Variants in ZNF76 observed in about 807,000 individuals in gnomAD.
ZNF76 encodes zinc finger protein 76, also known as zinc finger protein 523.
In ZNF76, 66 loss-of-function variants were observed where a neutral mutation model predicts 66.9. The observed-to-expected ratio is 0.99, with a 90% CI of 0.81 to 1.21. The LOEUF (loss-of-function observed/expected upper bound fraction) is 1.21. Ranked by LOEUF, ZNF76 falls within the 50% of genes most tolerant of loss-of-function variation. The probability of loss-of-function intolerance (pLI) is 0.00; values close to 1 mark genes in which losing one functional copy is unlikely to be tolerated. For synonymous variants in ZNF76, 275 were observed against 296.1 expected, an observed-to-expected ratio of 0.93 and a Z score of 0.73; for missense variants, 729 against 760.3, an observed-to-expected ratio of 0.96 and a Z score of 0.48.
chr6:35,263,645 A>G (rs1785565216), intron 1 of ZNF76, among the ~76,000 whole-genome samples: 1 of 152,150 alleles, frequency 6.6e-6, no homozygotes, highest in Non-Finnish European at 1.5e-5. Flanking sequence ...CTTGCCTTAG[A>G]TTTGTTTACT....
intron 1 of ZNF76, among the ~76,000 whole-genome samples, chr6:35,263,229 G>A (rs1309528207): frequency 6.6e-6 from 1 of 152,194 alleles, no homozygotes; most frequent in East Asian, 1.9e-4. Flanking sequence ...TGGTTTTTTA[G>A]AGGGCAGGGA....
chr6:35,284,594 TTTCA>T (rs1445742290), intron 2 of ZNF76, among the ~76,000 whole-genome samples: 3 of 152,012 alleles, frequency 2.0e-5, no homozygotes, highest in Admixed American at 6.6e-5. Context: ...AGAGACAGGG[TTTCA>T]CCATGTTGGT....
Position 35,263,147 on chromosome 6 carries a change from G to A in ZNF76, c.-97+3306G>A, listed in dbSNP as rs138782240. ...TCCACCAAACTTCATCAGTCTCTTC[G>A]GTTTATCCAGAGAACTACACTCTTC... On this transcript the variant is annotated intron_variant, in intron 1 of 13. Transcript: ENST00000373953. Among the ~76,000 whole-genome samples the A allele has an allele frequency of 2.4e-3, 360 of 152,146 alleles. 3 individuals are homozygous for A. The highest frequency in any genetic ancestry group is 8.1e-3 in the African/African-American group (338 of 41,476).
At chr6:35,293,627 T>G in intron 11 of ZNF76, 124 bp from the exon 12 acceptor site, 1 of 1,215,006 alleles carries the variant, frequency 8.2e-7, no homozygotes, top group South Asian at 1.4e-5. Flanking sequence ...CACCCATCCC[T>G]TCCACCACTA....
At chr6:35,269,908 T>C (rs1786754115) in intron 1 of ZNF76, among the ~76,000 whole-genome samples, 1 of 152,174 alleles carries the variant, frequency 6.6e-6, no homozygotes, top group Non-Finnish European at 1.5e-5. Context: ...TTCCATATGA[T>C]GTTATAGAAT....
intron 3 of ZNF76, 40 bp downstream of exon 3, chr6:35,286,248 C>A (rs778989772): frequency 9.3e-6 from 15 of 1,612,994 alleles, no homozygotes; most frequent in Admixed American, 6.7e-5. Flanking sequence ...TCGAGGGAAG[C>A]CTGACAGCCC....
At chr6:35,286,970 T>C (rs1361679897) in intron 4 of ZNF76, among the ~76,000 whole-genome samples, 1 of 151,730 alleles carries the variant, frequency 6.6e-6, no homozygotes, top group Non-Finnish European at 1.5e-5. Flanking sequence ...TTCTCTGAGG[T>C]AGTGATGCTT....
chr6:35,268,782 G>GA (rs767765081), intron 1 of ZNF76, among the ~76,000 whole-genome samples: 5,189 of 85,656 alleles, frequency 0.061, 88 homozygotes, highest in African/African-American at 0.066. Context: ...CAAAAAGAGA[G>GA]AAAAAAAAAA....
intron 11 of ZNF76, 85 bp downstream of exon 11, chr6:35,293,129 A>G: frequency 6.7e-7 from 1 of 1,482,216 alleles, no homozygotes; most frequent in Non-Finnish European, 9.1e-7. Context: ...AAGTTCTGAC[A>G]GCCCCACTGC....
In ZNF76 at chr6:35,262,132, A is replaced by G. The variant is rs576467780; in HGVS notation, c.-97+2291A>G. Among the ~76,000 whole-genome samples, 12 of 152,214 alleles carry G rather than the reference A, an allele frequency of 7.9e-5. No individual in the cohort carries two copies. In the South Asian group the frequency reaches 2.3e-3, roughly 29 times the overall value. On this transcript the variant is annotated intron_variant, in intron 1 of 13. Coordinates refer to ENST00000373953, the MANE Select transcript of ZNF76 (RefSeq NM_003427.5). The stretch of plus-strand genomic sequence containing the variant: ...GTTGTGGAAAAATACAAAAAGGGTA[A>G]TATCAAATAGTAATAAACTGGGAGA...
chr6:35,290,346 C>T lies in ZNF76; in HGVS notation c.513C>T (p.Gly171=). ...GDRAFRCGYK[G]CGRLYTTAHH... is the part of the protein sequence containing the mutation. ...GAGCATTCCGCTGTGGCTACAAGGG[C>T]TGTGGGCGTCTCTACACCACCGCTC... The change falls in exon 6 of 14, where the codon GGC becomes GGT. Residue 171 remains glycine (G), a synonymous_variant. Coordinates refer to ENST00000373953, the MANE Select transcript of ZNF76 (RefSeq NM_003427.5). 1 of 1,614,178 alleles carries T rather than the reference C, an allele frequency of 6.2e-7. No individual in the cohort carries two copies. The highest frequency in any genetic ancestry group is 1.1e-5 in the South Asian group (1 of 91,086).
rs573616292 is a variant in ZNF76 at position 35,271,104 on chromosome 6, T to C, written c.-96-9952T>C. ...GTCTACGTAGTATGGAAGTTTGATA[T>C]TGATGGACATTTATGCTGTTTCTAA... On this transcript the variant is annotated intron_variant, in intron 1 of 13. Coordinates refer to ENST00000373953, the MANE Select transcript of ZNF76 (RefSeq NM_003427.5). 3.3e-5 allele frequency among the ~76,000 whole-genome samples: 5 copies of C among 152,374 alleles called. No individual in the cohort carries two copies. The East Asian group carries it at 9.6e-4, about 29-fold the overall frequency.
chr6:35,272,142 T>C (rs1313654028), intron 1 of ZNF76, among the ~76,000 whole-genome samples: 1 of 151,958 alleles, frequency 6.6e-6, no homozygotes, highest in South Asian at 2.1e-4. Flanking sequence ...TGAAGACTAC[T>C]GCATTAAAAA....
At chr6:35,288,928 G>A (rs554351429) in intron 5 of ZNF76, among the ~76,000 whole-genome samples, 10 of 148,002 alleles carry the variant, frequency 6.8e-5, no homozygotes, top group Admixed American at 6.1e-4. Flanking sequence ...TCCAGCCTGG[G>A]CAACAGAGGG....
intron 1 of ZNF76, among the ~76,000 whole-genome samples, chr6:35,276,836 G>A (rs912863032): frequency 6.7e-5 from 8 of 119,706 alleles, no homozygotes; most frequent in African/African-American, 2.7e-4. Context: ...TGCTGTTGTT[G>A]CCCAGGCTAG....
At chr6:35,291,237 C>T in intron 7 of ZNF76, 41 bp from the exon 8 acceptor site, 1 of 1,572,848 alleles carries the variant, frequency 6.4e-7, no homozygotes, top group Non-Finnish European at 8.6e-7. Flanking sequence ...TGAGACCCCA[C>T]TGGGTGCTCA....
chr6:35,269,194 T>C (rs1348531867), intron 1 of ZNF76, among the ~76,000 whole-genome samples: 1 of 142,020 alleles, frequency 7.0e-6, no homozygotes, highest in Non-Finnish European at 1.5e-5. Context: ...GGCAGGAAAA[T>C]AGCTTGAACC....
At chr6:35,291,073 T>C (rs908678920) in intron 7 of ZNF76, 1 of 634,576 alleles carries the variant, frequency 1.6e-6, no homozygotes, top group Non-Finnish European at 2.7e-6. Flanking sequence ...TTCATGCTCA[T>C]GTTCTGGTAT....
Position 35,270,082 on chromosome 6 carries a change from C to G in ZNF76, c.-97+10241C>G, listed in dbSNP as rs572933459. 4.6e-5 allele frequency among the ~76,000 whole-genome samples: 7 copies of G among 152,302 alleles called. No homozygotes were observed. The East Asian group carries it at 1.3e-3, about 29-fold the overall frequency. On this transcript the variant is annotated intron_variant, in intron 1 of 13. Coordinates refer to ENST00000373953, the MANE Select transcript of ZNF76 (RefSeq NM_003427.5). ...AGTACAAAGCATGCATTTAGACTTTCTATTTTTAATTTTTTATTTATGTTG... is the reference window on the plus strand; with the variant it reads ...AGTACAAAGCATGCATTTAGACTTTGTATTTTTAATTTTTTATTTATGTTG...
Sources: allele counts gnomAD v4.1 joint callset (sites outside exome capture counted in the v4.1 genomes callset), GRCh38; gene constraint gnomAD v4.1.1; transcripts MANE v1.5; gene names NCBI Gene and HGNC (gene_info 2026-07-23, HGNC 2026-07-21).